XKR6: variants seen among roughly 807,000 people sequenced by gnomAD.
The protein encoded by XKR6 is XK-related protein 6.
A neutral mutation model predicts 56.7 loss-of-function variants in XKR6; 22 were observed. That is an observed-to-expected ratio of 0.39 (90% CI 0.28 to 0.55). The LOEUF is 0.55. Ranked by LOEUF, XKR6 falls within the 20% of genes least tolerant of loss-of-function variation. The pLI is 0.66. For missense variants in XKR6, 852 were observed against 889.0 expected (o/e 0.96, Z 0.53); for synonymous variants, 524 against 387.8 (o/e 1.35, Z -4.13).
intron 1 of XKR6, among the ~76,000 whole-genome samples, chr8:11,004,422 A>G (rs1287672085): frequency 6.6e-6 from 1 of 152,196 alleles, no homozygotes; most frequent in African/African-American, 2.4e-5. Flanking sequence ...CAGTGAGCCG[A>G]GATCATGACG....
At chr8:11,164,464 G>A (rs1336668852) in intron 1 of XKR6, among the ~76,000 whole-genome samples, 1 of 152,062 alleles carries the variant, frequency 6.6e-6, no homozygotes, top group Admixed American at 6.5e-5. Flanking sequence ...TTCCTGTGGG[G>A]AAAATAAAAG....
intron 1 of XKR6, among the ~76,000 whole-genome samples, chr8:10,957,373 G>A (rs980416605): frequency 4.6e-5 from 7 of 152,170 alleles, no homozygotes; most frequent in Admixed American, 6.5e-5. Context: ...TACTCCAGGC[G>A]TGTCACCATT....
rs372480144 is a variant in XKR6 at position 10,898,414 on chromosome 8, G to T, written c.1464C>A (p.Ile488=). The stretch of plus-strand genomic sequence containing the variant: ...CGCCATAGTATAAGAGCATCATTGC[G>T]ATCCCAGCCACAAAGCTAATAAAGA... ...CCVFISFVAG[I]AMMLLYYGVL... Residue 488 remains isoleucine (I), a synonymous_variant, in exon 3 of 3, where the codon ATC becomes ATA. Transcript: ENST00000416569. This position sits in a 1 kb window ranked among gnomAD's most constrained non-coding sequence, Gnocchi z 6.6. 5 of 1,613,848 alleles carry T rather than the reference G, an allele frequency of 3.1e-6. No individual in the cohort carries two copies. The African/African-American group carries it at 6.7e-5, about 22-fold the overall frequency.
At position 11,004,878 on chromosome 8, in the gene XKR6, C is replaced by T. The variant is rs375154551; in HGVS notation, c.765-80048G>A. ...CCTTAAAAAGGAAAGAAATTCTGGC[C>T]CATGCTACAACATGGATGAACCTTG... On this transcript the variant is annotated intron_variant, in intron 1 of 2. Coordinates refer to ENST00000416569, the MANE Select transcript of XKR6 (RefSeq NM_173683.4). Among the ~76,000 whole-genome samples, 5 of 152,192 alleles carry T rather than the reference C, an allele frequency of 3.3e-5. No homozygotes were observed. In the South Asian group the frequency reaches 6.2e-4, roughly 19 times the overall value.
At chr8:10,980,280 G>A (rs1021276581) in intron 1 of XKR6, among the ~76,000 whole-genome samples, 1 of 152,184 alleles carries the variant, frequency 6.6e-6, no homozygotes, top group African/African-American at 2.4e-5. Context: ...GGGCTGCAGG[G>A]GAAGGGGCCA....
intron 1 of XKR6, among the ~76,000 whole-genome samples, chr8:10,971,676 T>C (rs948645210): frequency 2.0e-5 from 3 of 152,018 alleles, no homozygotes. Flanking sequence ...TTTTGTACCA[T>C]TTTCTCAGGA....
At chr8:11,083,215 G>A (rs111259357) in intron 1 of XKR6, among the ~76,000 whole-genome samples, 12 of 152,180 alleles carry the variant, frequency 7.9e-5, no homozygotes, top group Non-Finnish European at 1.8e-4. Context: ...CACACACATG[G>A]CTCAGCACAT....
intron 2 of XKR6, among the ~76,000 whole-genome samples, chr8:10,901,651 G>T (rs1800039099): frequency 6.6e-6 from 1 of 152,194 alleles, no homozygotes; most frequent in South Asian, 2.1e-4. Context: ...TTCTATGGGA[G>T]CTGGGTGGGA....
At chr8:11,038,559 G>C (rs1338384208) in intron 1 of XKR6, among the ~76,000 whole-genome samples, 1 of 149,310 alleles carries the variant, frequency 6.7e-6, no homozygotes, top group Non-Finnish European at 1.5e-5. Context: ...GTTTGAGGCA[G>C]GGTCTCGCTC....
chr8:10,939,808 C>T (rs1042443767), intron 1 of XKR6, among the ~76,000 whole-genome samples: 4 of 152,348 alleles, frequency 2.6e-5, no homozygotes, highest in East Asian at 3.9e-4. Context: ...GAAGACATTC[C>T]CAAGGCCAGG....
At chr8:11,112,262 C>A (rs966717152) in intron 1 of XKR6, among the ~76,000 whole-genome samples, 6 of 152,116 alleles carry the variant, frequency 3.9e-5, no homozygotes, top group Non-Finnish European at 5.9e-5. Flanking sequence ...AGATTTTGTT[C>A]TTATGCATCT....
chr8:11,108,413 A>C (rs2129178532), intron 1 of XKR6: 1 of 437,690 alleles, frequency 2.3e-6, no homozygotes, highest in East Asian at 7.0e-5. Context: ...AAAAAGTCAC[A>C]CTTAGGGAGA....
intron 2 of XKR6, among the ~76,000 whole-genome samples, chr8:10,915,024 T>C (rs1431651438): frequency 6.6e-6 from 1 of 152,240 alleles, no homozygotes; most frequent in African/African-American, 2.4e-5. Context: ...GTGGTCTCCC[T>C]GTTGAAGACC....
At chr8:10,935,669 T>A (rs955302102) in intron 1 of XKR6, among the ~76,000 whole-genome samples, 7 of 150,994 alleles carry the variant, frequency 4.6e-5, no homozygotes, top group African/African-American at 1.7e-4. Flanking sequence ...CCAGTAGTCA[T>A]TCAGGAGCAC....
intron 1 of XKR6, among the ~76,000 whole-genome samples, chr8:10,995,716 G>C (rs1202770593): frequency 6.6e-6 from 1 of 151,410 alleles, no homozygotes; most frequent in Non-Finnish European, 1.5e-5. Flanking sequence ...AAAAATTGAG[G>C]GCATTAATTT....
At chr8:10,981,711 C>G (rs1359945229) in intron 1 of XKR6, among the ~76,000 whole-genome samples, 1 of 152,222 alleles carries the variant, frequency 6.6e-6, no homozygotes, top group African/African-American at 2.4e-5. Flanking sequence ...CCCCTGAAAA[C>G]TTGGTCTAAT....
intron 2 of XKR6, among the ~76,000 whole-genome samples, chr8:10,901,649 G>A (rs1218966452): frequency 6.6e-6 from 1 of 152,166 alleles, no homozygotes; most frequent in Non-Finnish European, 1.5e-5. Flanking sequence ...AGTTCTATGG[G>A]AGCTGGGTGG....
chr8:11,180,715 G>A (rs977049106), intron 1 of XKR6, among the ~76,000 whole-genome samples: 1 of 151,966 alleles, frequency 6.6e-6, no homozygotes, highest in Admixed American at 6.6e-5. Flanking sequence ...GCCCAGCCTG[G>A]GCAACACATT....
chr8:11,105,380 T>G (rs998378489), intron 1 of XKR6: 1 of 152,228 alleles, frequency 6.6e-6, no homozygotes, highest in South Asian at 2.1e-4. Flanking sequence ...CTTTCCTATT[T>G]TGCCACAGGC....
Sources: gnomAD v4.1 joint callset for allele counts (sites outside exome capture counted in the v4.1 genomes callset) on GRCh38, gnomAD v4.1.1 for gene constraint, Gnocchi (gnomAD v3.1) non-coding constraint, MANE v1.5 for transcripts, NCBI Gene and HGNC (gene_info 2026-07-23, HGNC 2026-07-21) for gene names.